TET1: variants seen among roughly 807,000 people sequenced by gnomAD.
The protein encoded by TET1 is methylcytosine dioxygenase TET1.
In TET1, 13 loss-of-function variants were observed where a neutral mutation model predicts 148.7. The observed-to-expected ratio is 0.09, with a 90% CI of 0.06 to 0.14. The LOEUF (loss-of-function observed/expected upper bound fraction) is 0.14. Ranked by LOEUF, TET1 falls within the 10% of genes least tolerant of loss-of-function variation. TET1 has a pLI of 1.00. For missense variants in TET1, 2,182 were observed against 2,553.8 expected (o/e 0.85, Z 3.14); for synonymous variants, 907 against 937.2 (o/e 0.97, Z 0.59).
At chr10:68,676,239 T>TAC (rs2055349798) in intron 8 of TET1, among the ~76,000 whole-genome samples, 3 of 18,080 alleles carry the variant, frequency 1.7e-4, no homozygotes, top group African/African-American at 7.8e-4. Context: ...TGTATGTGTA[T>TAC]ATATATATAT....
chr10:68,624,154 T>A (rs897179417), intron 3 of TET1, among the ~76,000 whole-genome samples: 1 of 151,296 alleles, frequency 6.6e-6, no homozygotes, highest in Admixed American at 6.7e-5. Flanking sequence ...TGGAGTGCAG[T>A]GTCGCAATCT....
intron 1 of TET1, among the ~76,000 whole-genome samples, chr10:68,564,925 AGATGG>A (rs1285115906): frequency 6.6e-6 from 1 of 152,204 alleles, no homozygotes; most frequent in East Asian, 1.9e-4. Flanking sequence ...GCGGTGGCTG[AGATGG>A]GAGGATCACT....
At chr10:68,616,172 A>G (rs777408763) in intron 3 of TET1, among the ~76,000 whole-genome samples, 8 of 152,240 alleles carry the variant, frequency 5.3e-5, no homozygotes, top group Non-Finnish European at 1.2e-4. Context: ...TCATCAGATA[A>G]TAATTTACTC....
chr10:68,625,689 T>A (rs1263345346), intron 3 of TET1, among the ~76,000 whole-genome samples: 1 of 152,206 alleles, frequency 6.6e-6, no homozygotes, highest in East Asian at 1.9e-4. Context: ...AGATTCATTG[T>A]TGTTTTTAGT....
chr10:68,656,853 C>T (rs1040827984), intron 6 of TET1, among the ~76,000 whole-genome samples: 68 of 151,928 alleles, frequency 4.5e-4, no homozygotes, highest in African/African-American at 1.6e-3. Flanking sequence ...CGGTGAAACT[C>T]CGTCTCTAGT....
chr10:68,651,262 A>G (rs939364489), intron 4 of TET1, among the ~76,000 whole-genome samples: 1 of 152,158 alleles, frequency 6.6e-6, no homozygotes, highest in Non-Finnish European at 1.5e-5. Flanking sequence ...ATCCTGGCTA[A>G]CATGGTGAAA....
At chr10:68,568,748 A>T (rs1219378068) in intron 1 of TET1, among the ~76,000 whole-genome samples, 1 of 152,144 alleles carries the variant, frequency 6.6e-6, no homozygotes, top group Non-Finnish European at 1.5e-5. Flanking sequence ...CTATTCGGGC[A>T]GCTGAGGTGG....
rs750382805 is a variant in TET1, at chr10:68,645,817, A to C, written c.3088A>C (p.Asn1030His). ...SIAQGIITLD[N>H]CSNDLHQLPP... ...TGCTCAAGGGATAATTACTCTTGACAATTGTTCCAATGATTTGCATCAGTT... is the reference window on the plus strand; with the variant it reads ...TGCTCAAGGGATAATTACTCTTGACCATTGTTCCAATGATTTGCATCAGTT... Residue 1030 changes from asparagine (N) to histidine (H), a missense_variant, in exon 4 of 12, where the codon AAT becomes CAT. Asn to His is a moderately conservative substitution (Grantham distance 68, BLOSUM62 1). Transcript: ENST00000373644. 6.2e-7 allele frequency: 1 copy of C among 1,614,152 alleles called. No homozygotes were observed. Among genetic ancestry groups the C allele is most frequent in the South Asian group, 1.1e-5 (1 of 91,078 alleles).
At chr10:68,620,502 T>C (rs935823331) in intron 3 of TET1, among the ~76,000 whole-genome samples, 7 of 152,208 alleles carry the variant, frequency 4.6e-5, no homozygotes, top group African/African-American at 1.4e-4. Context: ...TTTTCTTGAG[T>C]AATGTTTCAA....
intron 1 of TET1, among the ~76,000 whole-genome samples, chr10:68,564,441 G>A (rs2053585866): frequency 6.6e-6 from 1 of 151,442 alleles, no homozygotes; most frequent in Non-Finnish European, 1.5e-5. Context: ...GAGCCACCAC[G>A]CCTGGCCAAA....
At chr10:68,630,040 C>A (rs2054546990) in intron 3 of TET1, among the ~76,000 whole-genome samples, 1 of 152,052 alleles carries the variant, frequency 6.6e-6, no homozygotes, top group South Asian at 2.1e-4. Context: ...AATCTGGTAT[C>A]TTTTTTTATT....
chr10:68,569,166 C>CTTTTTTTTTTTT (rs34385747), intron 1 of TET1, among the ~76,000 whole-genome samples: 2 of 69,778 alleles, frequency 2.9e-5, no homozygotes, highest in African/African-American at 1.1e-4. Flanking sequence ...AGGAGAGTTT[C>CTTTTTTTTTTTT]TTTTTTTTTT....
chr10:68,576,884 G>A (rs2053737007), intron 2 of TET1, among the ~76,000 whole-genome samples: 1 of 151,324 alleles, frequency 6.6e-6, no homozygotes, highest in Non-Finnish European at 1.5e-5. Flanking sequence ...TGGGATTACA[G>A]GCACCCACCA....
intron 2 of TET1, among the ~76,000 whole-genome samples, chr10:68,578,908 T>A (rs953586851): frequency 3.3e-5 from 5 of 152,112 alleles, no homozygotes; most frequent in African/African-American, 1.2e-4. Flanking sequence ...TCCCAGCTAC[T>A]TGGGATGCTG....
intron 10 of TET1, among the ~76,000 whole-genome samples, chr10:68,684,688 C>G (rs1307073117): frequency 6.6e-6 from 1 of 152,138 alleles, no homozygotes; most frequent in African/African-American, 2.4e-5. Flanking sequence ...ATTCCCCCAT[C>G]TTCAAACATG....
At chr10:68,619,478 G>C (rs758252587) in intron 3 of TET1, among the ~76,000 whole-genome samples, 1 of 152,116 alleles carries the variant, frequency 6.6e-6, no homozygotes, top group Non-Finnish European at 1.5e-5. Flanking sequence ...GCCTCCCAAA[G>C]TGCTGGGGTT....
chr10:68,693,640 T>A lies in TET1; in HGVS notation c.*1826T>A, dbSNP rs1395544890. 1 of 232,434 alleles carries A rather than the reference T, an allele frequency of 4.3e-6. No homozygotes were observed. The highest frequency in any genetic ancestry group is 8.5e-6 in the Non-Finnish European group (1 of 117,668). The allele number at this position is 232,434 out of a possible 1,614,324, so 14.4% of individuals were successfully genotyped here. A position where few individuals can be genotyped will look rare whatever the true frequency, so the allele number is the denominator to read the frequency against. On this transcript the variant is annotated 3_prime_UTR_variant, in exon 12 of 12. Transcript: ENST00000373644. The stretch of plus-strand genomic sequence containing the variant: ...AATTCATTGACTTGTTTTAGTATTT[T>A]GTGTGCCTTAGATTTCCGTTTTAAG...
chr10:68,686,775 G>A (rs2055517705), intron 11 of TET1, 68 bp downstream of exon 11: 2 of 1,418,076 alleles, frequency 1.4e-6, no homozygotes, highest in East Asian at 2.4e-5. Context: ...ACTTTGCCTT[G>A]CCTTATTTGT....
chr10:68,651,541 CAATT>C (rs1233109850), intron 4 of TET1, among the ~76,000 whole-genome samples: 2 of 150,202 alleles, frequency 1.3e-5, no homozygotes, highest in African/African-American at 4.9e-5. Context: ...TATTACACCT[CAATT>C]AATACAGATT....
Sources: allele counts gnomAD v4.1 joint callset (sites outside exome capture counted in the v4.1 genomes callset), GRCh38; gene constraint gnomAD v4.1.1; transcripts MANE v1.5; gene names NCBI Gene and HGNC (gene_info 2026-07-23, HGNC 2026-07-21).